GRID2: variants seen among roughly 807,000 people sequenced by gnomAD.
GRID2 encodes the protein glutamate ionotropic receptor delta type subunit 2.
GRID2 carries 33 observed loss-of-function variants against 114.8 expected under a neutral mutation model. The observed-to-expected ratio is 0.29, with a 90% CI of 0.22 to 0.38. The LOEUF is 0.38. GRID2 is among the 10% of genes least tolerant of loss of function. The probability of loss-of-function intolerance (pLI) is 1.00; values close to 1 mark genes in which losing one functional copy is unlikely to be tolerated. For synonymous variants in GRID2, 505 were observed against 449.9 expected (o/e 1.12, Z -1.55); for missense variants, 1,184 against 1,257.7 (o/e 0.94, Z 0.89).
At chr4:92,369,645 C>T (rs556187514) in intron 1 of GRID2, among the ~76,000 whole-genome samples, 5 of 152,224 alleles carry the variant, frequency 3.3e-5, no homozygotes, top group South Asian at 4.1e-4. Context: ...CTAATTTATT[C>T]AAAGCATATG....
At chr4:93,460,736 A>C (rs888343517) in intron 11 of GRID2, among the ~76,000 whole-genome samples, 1 of 152,184 alleles carries the variant, frequency 6.6e-6, no homozygotes, top group Non-Finnish European at 1.5e-5. Context: ...TAAATACTTA[A>C]CTAAATAAAG....
At chr4:92,363,264 T>G (rs1277139496) in intron 1 of GRID2, among the ~76,000 whole-genome samples, 1 of 152,068 alleles carries the variant, frequency 6.6e-6, no homozygotes, top group Non-Finnish European at 1.5e-5. Flanking sequence ...ATCTTAAGCA[T>G]ATCTTTGGAA....
intron 4 of GRID2, among the ~76,000 whole-genome samples, chr4:93,140,019 C>G (rs1020762373): frequency 5.3e-5 from 8 of 152,006 alleles, no homozygotes; most frequent in Non-Finnish European, 1.0e-4. Flanking sequence ...AAAGTATAAA[C>G]TTGAAATAGA....
intron 6 of GRID2, among the ~76,000 whole-genome samples, chr4:93,219,982 C>T (rs958044071): frequency 3.9e-5 from 6 of 152,072 alleles, no homozygotes; most frequent in African/African-American, 1.2e-4. Context: ...AGTAGCCAAT[C>T]AGCCAGCAGG....
At chr4:92,376,787 C>T (rs2870623) in intron 1 of GRID2, among the ~76,000 whole-genome samples, 46,469 of 152,098 alleles carry the variant, frequency 0.31, 7,116 homozygotes, top group African/African-American at 0.34. Flanking sequence ...AAGCTGCCAA[C>T]GCTTGGGGCT....
intron 1 of GRID2, among the ~76,000 whole-genome samples, chr4:92,476,341 T>G (rs1470281807): frequency 6.6e-6 from 1 of 152,246 alleles, no homozygotes; most frequent in East Asian, 1.9e-4. Context: ...CAATTCTTCT[T>G]TACATTAAAC....
chr4:92,305,378 G>A (rs1725324647), intron 1 of GRID2, among the ~76,000 whole-genome samples: 1 of 152,146 alleles, frequency 6.6e-6, no homozygotes, highest in Admixed American at 6.5e-5. Flanking sequence ...GTGTCGCCAA[G>A]GACTGATTGT....
intron 9 of GRID2, among the ~76,000 whole-genome samples, chr4:93,418,992 G>A (rs974538788): frequency 6.6e-6 from 1 of 150,596 alleles, no homozygotes; most frequent in Non-Finnish European, 1.5e-5. Context: ...AACATATTGT[G>A]TGACTTTGAG....
chr4:93,109,561 A>G (rs1344504888), intron 3 of GRID2, among the ~76,000 whole-genome samples: 1 of 152,120 alleles, frequency 6.6e-6, no homozygotes, highest in Non-Finnish European at 1.5e-5. Context: ...TAAATTAACT[A>G]TTACCACTGA....
chr4:93,683,414 G>C (rs1725778485), intron 14 of GRID2, among the ~76,000 whole-genome samples: 1 of 152,052 alleles, frequency 6.6e-6, no homozygotes, highest in South Asian at 2.1e-4. Flanking sequence ...TTTAGAACAT[G>C]ATCCTATGAG....
chr4:93,023,894 A>G (rs1337598187), intron 2 of GRID2, among the ~76,000 whole-genome samples: 1 of 151,902 alleles, frequency 6.6e-6, no homozygotes, highest in Non-Finnish European at 1.5e-5. Context: ...ACTTAACTAC[A>G]CAGAACTTTA....
intron 13 of GRID2, among the ~76,000 whole-genome samples, chr4:93,600,560 A>G (rs1033529338): frequency 6.6e-6 from 1 of 152,140 alleles, no homozygotes; most frequent in Non-Finnish European, 1.5e-5. Context: ...TAGAAAGACT[A>G]ATAGCACCAA....
chr4:92,755,899 A>G (rs1737695066), intron 2 of GRID2, among the ~76,000 whole-genome samples: 1 of 152,148 alleles, frequency 6.6e-6, no homozygotes, highest in Non-Finnish European at 1.5e-5. Flanking sequence ...TGCACTGTGT[A>G]ATGATCAAGT....
intron 2 of GRID2, among the ~76,000 whole-genome samples, chr4:92,848,874 C>T (rs1296427422): frequency 3.3e-5 from 5 of 151,720 alleles, no homozygotes; most frequent in Non-Finnish European, 5.9e-5. Context: ...TAAGGAAGTC[C>T]ATGTGAGGAC....
At chr4:92,486,325 G>A in intron 1 of GRID2, among the ~76,000 whole-genome samples, 1 of 151,256 alleles carries the variant, frequency 6.6e-6, no homozygotes, top group East Asian at 1.9e-4. Context: ...AGAAATAAAG[G>A]GGTACATCAT....
intron 2 of GRID2, among the ~76,000 whole-genome samples, chr4:92,888,137 A>C (rs1403237973): frequency 1.3e-5 from 2 of 152,156 alleles, no homozygotes; most frequent in African/African-American, 4.8e-5. Flanking sequence ...AAGTTTATGA[A>C]AAGAATTGTT....
chr4:93,366,372 A>G (rs780904613), intron 8 of GRID2, among the ~76,000 whole-genome samples: 47 of 152,036 alleles, frequency 3.1e-4, no homozygotes, highest in Non-Finnish European at 5.7e-4. Flanking sequence ...CAGAGGTGAG[A>G]TAGACTCCAG....
chr4:92,478,769 C>T (rs766613780), intron 1 of GRID2, among the ~76,000 whole-genome samples: 13 of 152,038 alleles, frequency 8.6e-5, no homozygotes, highest in Admixed American at 3.9e-4. Flanking sequence ...TTTCTGCAGA[C>T]GTTCTCTTCC....
At chr4:93,789,833 G>A (rs1044415469) in intron 1 of GRID2, among the ~76,000 whole-genome samples, 9 of 152,188 alleles carry the variant, frequency 5.9e-5, no homozygotes, top group South Asian at 2.1e-4. Flanking sequence ...CCCAATCCCC[G>A]GGCCATGGGC....
Sources: allele counts gnomAD v4.1 joint callset (sites outside exome capture counted in the v4.1 genomes callset), GRCh38; gene constraint gnomAD v4.1.1; transcripts MANE v1.5; gene names NCBI Gene and HGNC (gene_info 2026-07-23, HGNC 2026-07-21).